C7: variants seen among roughly 807,000 people sequenced by gnomAD.
C7 encodes complement component C7.
C7 carries 83 observed loss-of-function variants against 104.8 expected under a neutral mutation model. The ratio of observed to expected loss-of-function variants is 0.79; its 90% CI spans 0.66 to 0.95. The LOEUF is 0.95. Ranked by LOEUF, C7 falls within the 40% of genes least tolerant of loss-of-function variation. C7 has a pLI of 0.00. For synonymous variants in C7, 415 were observed against 360.6 expected (o/e 1.15, Z -1.71); for missense variants, 1,070 against 1,011.2 (o/e 1.06, Z -0.79).
At chr5:40,945,682 T>C (rs1037638516) in intron 7 of C7, among the ~76,000 whole-genome samples, 4 of 151,456 alleles carry the variant, frequency 2.6e-5, no homozygotes, top group Admixed American at 6.6e-5. Flanking sequence ...CTGGGCAACA[T>C]AGCAAGACCC....
chr5:40,959,378 C>A, intron 11 of C7, 71 bp from the exon 12 acceptor site: 1 of 1,336,232 alleles, frequency 7.5e-7, no homozygotes. Context: ...AACTTGTTAG[C>A]AGGAAGCATA....
intron 11 of C7, 121 bp downstream of exon 11, chr5:40,958,382 T>A: frequency 8.5e-6 from 5 of 585,652 alleles, no homozygotes; most frequent in Non-Finnish European, 1.4e-5. Context: ...GAATTTAGAA[T>A]CCTCCTTCCC....
intron 13 of C7, among the ~76,000 whole-genome samples, chr5:40,962,944 G>A (rs756496901): frequency 2.6e-5 from 4 of 152,168 alleles, no homozygotes; most frequent in Non-Finnish European, 5.9e-5. Context: ...GCACTATTGG[G>A]AGATGAAAGT....
chr5:40,915,134 G>C (rs1739293310), intron 1 of C7, among the ~76,000 whole-genome samples: 1 of 152,194 alleles, frequency 6.6e-6, no homozygotes, highest in African/African-American at 2.4e-5. Context: ...CAGAGTAGTA[G>C]GAAGACGTCC....
intron 9 of C7, among the ~76,000 whole-genome samples, chr5:40,953,795 A>T (rs900714545): frequency 1.4e-4 from 7 of 49,538 alleles, no homozygotes; most frequent in Admixed American, 2.4e-4. Context: ...GATATCCTAA[A>T]TATCCTGATT....
chr5:40,960,255 T>C (rs1740396400), intron 12 of C7, among the ~76,000 whole-genome samples: 1 of 152,196 alleles, frequency 6.6e-6, no homozygotes, highest in South Asian at 2.1e-4. Flanking sequence ...CCCTACTGTT[T>C]TACATTGTCC....
chr5:40,974,057 A>G (rs2034492), intron 15 of C7, among the ~76,000 whole-genome samples: 89,982 of 151,942 alleles, frequency 0.59, 27,385 homozygotes, highest in African/African-American at 0.75. Context: ...TTTTATTATA[A>G]TAAAGCATAC....
chr5:40,932,481 A>T (rs187188181), intron 3 of C7, among the ~76,000 whole-genome samples: 21 of 152,306 alleles, frequency 1.4e-4, no homozygotes, highest in Admixed American at 9.2e-4. Context: ...AATTATATTT[A>T]AAAATCACTT....
intron 1 of C7, among the ~76,000 whole-genome samples, chr5:40,924,870 G>A (rs1428173018): frequency 1.3e-5 from 2 of 152,220 alleles, no homozygotes; most frequent in South Asian, 2.1e-4. Flanking sequence ...GCAAGACCCT[G>A]GGCCTGGCCC....
In C7 at chr5:40,928,562, AT is replaced by A; in HGVS notation, c.7-16del. 1 of 1,407,062 alleles carries A rather than the reference AT, an allele frequency of 7.1e-7. No homozygotes were observed. The highest frequency in any genetic ancestry group is 9.7e-7 in the Non-Finnish European group (1 of 1,026,836). 87.2% of individuals were successfully genotyped at this position (1,407,062 alleles called of 1,614,324 possible). A position where few individuals can be genotyped will look rare whatever the true frequency, so the allele number is the denominator to read the frequency against. The stretch of plus-strand genomic sequence containing the variant: ...GAAATGCAAGCTAAAATAATACTTT[AT>A]TGTTTTTCTTCTCCAGGTGATAAGC... On this transcript the variant is annotated splice_polypyrimidine_tract_variant and intron_variant, in intron 1 of 17. Transcript: ENST00000313164.
intron 14 of C7, among the ~76,000 whole-genome samples, chr5:40,968,457 C>T (rs1041472113): frequency 2.7e-5 from 4 of 150,502 alleles, no homozygotes; most frequent in Admixed American, 1.3e-4. Context: ...GACCTATCTT[C>T]CAATTTATTA....
intron 2 of C7, among the ~76,000 whole-genome samples, chr5:40,930,080 T>C (rs1313261518): frequency 1.3e-5 from 2 of 152,128 alleles, no homozygotes; most frequent in South Asian, 4.1e-4. Context: ...TATATTCCCA[T>C]AACACATTAT....
intron 1 of C7, chr5:40,910,975 T>TAAGGG (rs1236713394): frequency 6.6e-6 from 1 of 152,190 alleles, no homozygotes; most frequent in East Asian, 1.9e-4. Context: ...TATAATATTT[T>TAAGGG]ACTGCTGTAA....
chr5:40,980,562 C>T (rs1167719955), intron 17 of C7, among the ~76,000 whole-genome samples: 2 of 152,244 alleles, frequency 1.3e-5, no homozygotes, highest in South Asian at 2.1e-4. Context: ...TGATCTTGAA[C>T]TCCCCCAAGA....
chr5:40,962,792 T>A (rs1740450952), intron 13 of C7, among the ~76,000 whole-genome samples: 1 of 152,222 alleles, frequency 6.6e-6, no homozygotes, highest in South Asian at 2.1e-4. Flanking sequence ...CAGTGGTGCC[T>A]CTTCATGGCT....
At position 40,964,787 on chromosome 5, in the gene C7, G is replaced by A; in HGVS notation, c.1796G>A (p.Cys599Tyr). 6.2e-7 allele frequency: 1 copy of A among 1,612,500 alleles called. No individual in the cohort carries two copies. The highest frequency in any genetic ancestry group is 8.5e-7 in the Non-Finnish European group (1 of 1,178,576). ...FPVGKNVVYTCNEGYSLIGNP... is the reference protein window; with the variant it reads ...FPVGKNVVYTYNEGYSLIGNP... ...GTGGGGAAAAATGTAGTGTACACTTGCAATGAAGGATACTCTCTTATTGGA... is the reference window on the plus strand; with the variant it reads ...GTGGGGAAAAATGTAGTGTACACTTACAATGAAGGATACTCTCTTATTGGA... The change falls in exon 14 of 18, where the codon TGC becomes TAC. Residue 599 changes from cysteine (C) to tyrosine (Y), a missense_variant. By Grantham distance (194) the Cys-to-Tyr change is radical (BLOSUM62 -2). Coordinates refer to ENST00000313164, the MANE Select transcript of C7 (RefSeq NM_000587.4).
rs1049386000 is a variant in C7, at chr5:40,982,531, G to A, written c.*958G>A. ...GTGGTCACAGGGGTGTCTTGTCTGAGAACAAATACAATTCAGTCTTCTCTT... is the reference window on the plus strand; with the variant it reads ...GTGGTCACAGGGGTGTCTTGTCTGAAAACAAATACAATTCAGTCTTCTCTT... On this transcript the variant is annotated 3_prime_UTR_variant, in exon 18 of 18. Coordinates refer to ENST00000313164, the MANE Select transcript of C7 (RefSeq NM_000587.4). 6.6e-6 allele frequency: 1 copy of A among 152,352 alleles called. No homozygotes were observed. 9.4% of individuals were successfully genotyped at this position (152,352 alleles called of 1,614,324 possible). A position where few individuals can be genotyped will look rare whatever the true frequency, so the allele number is the denominator to read the frequency against.
chr5:40,937,798 G>T, intron 6 of C7, 108 bp downstream of exon 6: 2 of 916,694 alleles, frequency 2.2e-6, no homozygotes, highest in Non-Finnish European at 3.1e-6. Flanking sequence ...CTAATGTGTG[G>T]TCAATTTTTA....
In C7 at chr5:40,976,747, T is replaced by A. The variant is rs1740827267; in HGVS notation, c.2075-3T>A. The stretch of plus-strand genomic sequence containing the variant: ...CGACCACATCTCCCTTATCCTTTTT[T>A]AGAAAATCCGTTAACACAGGCAGTG... On this transcript the variant is annotated splice_region_variant and splice_polypyrimidine_tract_variant and intron_variant, in intron 15 of 17. Transcript: ENST00000313164. The A allele has an allele frequency of 6.3e-7, 1 of 1,586,496 alleles. No homozygotes were observed. Among genetic ancestry groups the A allele is most frequent in the Non-Finnish European group, 8.6e-7 (1 of 1,165,100 alleles).
Sources: gnomAD v4.1 joint callset for allele counts (sites outside exome capture counted in the v4.1 genomes callset) on GRCh38, gnomAD v4.1.1 for gene constraint, MANE v1.5 for transcripts, NCBI Gene and HGNC (gene_info 2026-07-23, HGNC 2026-07-21) for gene names.